DOK6: variants seen among roughly 807,000 people sequenced by gnomAD.
DOK6 encodes docking protein 6, also known as downstream of tyrosine kinase 6.
Under a neutral mutation model 44.0 loss-of-function variants are expected in DOK6, and 22 were observed. That is an observed-to-expected ratio of 0.50 (90% CI 0.36 to 0.71). DOK6 has a LOEUF of 0.71. Among genes scored for constraint, DOK6 ranks in the 30% least tolerant of loss-of-function variants. The probability of loss-of-function intolerance (pLI) is 0.00; values close to 1 mark genes in which losing one functional copy is unlikely to be tolerated. For synonymous variants in DOK6, 166 were observed against 145.5 expected, an observed-to-expected ratio of 1.14 and a Z score of -1.01; for missense variants, 340 against 416.4, an observed-to-expected ratio of 0.82 and a Z score of 1.60.
chr18:69,811,865 C>G (rs925121904), intron 7 of DOK6, among the ~76,000 whole-genome samples: 8 of 151,892 alleles, frequency 5.3e-5, no homozygotes, highest in African/African-American at 1.9e-4. Context: ...TATCCCACTG[C>G]CATTTAAGTT....
chr18:69,617,711 G>GA (rs1226240703), intron 3 of DOK6, among the ~76,000 whole-genome samples: 8 of 86,390 alleles, frequency 9.3e-5, no homozygotes, highest in Admixed American at 4.1e-4. Flanking sequence ...AAAGAGAAAA[G>GA]AAAGAAAGAA....
intron 1 of DOK6, among the ~76,000 whole-genome samples, chr18:69,484,763 G>T (rs1236140878): frequency 1.3e-5 from 2 of 152,078 alleles, no homozygotes; most frequent in Admixed American, 6.6e-5. Flanking sequence ...TTCTCCTTAA[G>T]GTGCACCACA....
intron 1 of DOK6, among the ~76,000 whole-genome samples, chr18:69,504,109 C>T (rs982406141): frequency 1.4e-4 from 21 of 151,874 alleles, no homozygotes; most frequent in African/African-American, 5.1e-4. Flanking sequence ...GTTGTCTAGT[C>T]TGAGAGTTAA....
At chr18:69,461,394 C>G (rs1363666173) in intron 1 of DOK6, among the ~76,000 whole-genome samples, 1 of 152,172 alleles carries the variant, frequency 6.6e-6, no homozygotes, top group South Asian at 2.1e-4. Context: ...ACCTCCCACT[C>G]CACCATGGGA....
intron 2 of DOK6, among the ~76,000 whole-genome samples, chr18:69,574,827 C>A (rs2144605543): frequency 6.6e-6 from 1 of 151,942 alleles, no homozygotes; most frequent in East Asian, 1.9e-4. Context: ...GGTGTCATAG[C>A]CAATGGATAG....
At chr18:69,823,467 A>G (rs1599345063) in intron 7 of DOK6, among the ~76,000 whole-genome samples, 1 of 152,302 alleles carries the variant, frequency 6.6e-6, no homozygotes, top group African/African-American at 2.4e-5. Context: ...AAAGAAGCCC[A>G]TGCCACAGCT....
At chr18:69,701,316 G>A (rs1251794585) in intron 5 of DOK6, among the ~76,000 whole-genome samples, 3 of 152,154 alleles carry the variant, frequency 2.0e-5, no homozygotes, top group East Asian at 3.8e-4. Context: ...ACATCAGCTC[G>A]GAGCAATTGC....
intron 4 of DOK6, among the ~76,000 whole-genome samples, chr18:69,697,298 GC>G (rs933890750): frequency 2.6e-5 from 4 of 152,066 alleles, no homozygotes; most frequent in African/African-American, 9.7e-5. Flanking sequence ...TTTTCCATCT[GC>G]AGCTGCACTA....
At chr18:69,442,234 T>G (rs1285727697) in intron 1 of DOK6, among the ~76,000 whole-genome samples, 4 of 152,198 alleles carry the variant, frequency 2.6e-5, no homozygotes, top group African/African-American at 2.4e-5. Context: ...CTTTTTATTT[T>G]TAAAGATCTT....
chr18:69,492,646 C>T (rs1238172792), intron 1 of DOK6, among the ~76,000 whole-genome samples: 1 of 151,816 alleles, frequency 6.6e-6, no homozygotes, highest in Non-Finnish European at 1.5e-5. Flanking sequence ...ATCTTTAGCT[C>T]CAACTGAGAA....
intron 1 of DOK6, among the ~76,000 whole-genome samples, chr18:69,535,231 A>G (rs1234972363): frequency 6.6e-6 from 1 of 152,092 alleles, no homozygotes; most frequent in African/African-American, 2.4e-5. Context: ...TATTTTCTTC[A>G]TAATAGTCTT....
At chr18:69,821,274 A>C (rs1981560965) in intron 7 of DOK6, among the ~76,000 whole-genome samples, 1 of 152,144 alleles carries the variant, frequency 6.6e-6, no homozygotes, top group East Asian at 1.9e-4. Flanking sequence ...ATGTGGGCCC[A>C]TATTTCTCTG....
chr18:69,825,321 G>A (rs1193086927), intron 7 of DOK6, among the ~76,000 whole-genome samples: 1 of 151,684 alleles, frequency 6.6e-6, no homozygotes, highest in Non-Finnish European at 1.5e-5. Context: ...ATCTTCTACT[G>A]CAGTAGTGAG....
intron 3 of DOK6, chr18:69,660,148 C>T (rs1985486044): frequency 6.6e-6 from 1 of 151,868 alleles, no homozygotes; most frequent in South Asian, 2.1e-4. Context: ...CAAACAGGGC[C>T]CCGACTTTCT....
intron 7 of DOK6, among the ~76,000 whole-genome samples, chr18:69,836,352 G>A (rs1164528858): frequency 6.6e-6 from 1 of 152,126 alleles, no homozygotes; most frequent in East Asian, 1.9e-4. Flanking sequence ...TGTCTCTGTA[G>A]CCAATATATT....
Position 69,677,825 on chromosome 18 carries a change from G to A in DOK6, c.381G>A (p.Leu127=). 6.2e-7 allele frequency: 1 copy of A among 1,613,730 alleles called. No homozygotes were observed. ...NDISLGEPDL[L]AAGVQREQNE... ...TCAGCCTTGGGGAGCCCGACCTTCT[G>A]GCCGCAGGAGTGCAGCGGGAACAGA... The change falls in exon 4 of 8, where the codon CTG becomes CTA. Residue 127 remains leucine (L), a synonymous_variant. Coordinates refer to ENST00000382713, the MANE Select transcript of DOK6 (RefSeq NM_152721.6).
chr18:69,591,274 A>G (rs1256495249), intron 2 of DOK6, among the ~76,000 whole-genome samples: 2 of 152,128 alleles, frequency 1.3e-5, no homozygotes, highest in African/African-American at 4.8e-5. Context: ...TCTGCTGTAT[A>G]CTGATATGGG....
intron 1 of DOK6, among the ~76,000 whole-genome samples, chr18:69,468,223 T>C (rs1237315760): frequency 1.3e-5 from 2 of 152,176 alleles, no homozygotes; most frequent in Non-Finnish European, 2.9e-5. Flanking sequence ...GAGGTTCCTG[T>C]ATTTCAGGAA....
chr18:69,572,314 G>T (rs955020861), intron 2 of DOK6, among the ~76,000 whole-genome samples: 1 of 152,108 alleles, frequency 6.6e-6, no homozygotes, highest in Non-Finnish European at 1.5e-5. Flanking sequence ...TGATCTGTGG[G>T]TTTGGGCTTG....
Sources: gnomAD v4.1 joint callset for allele counts (sites outside exome capture counted in the v4.1 genomes callset) on GRCh38, gnomAD v4.1.1 for gene constraint, MANE v1.5 for transcripts, NCBI Gene and HGNC (gene_info 2026-07-23, HGNC 2026-07-21) for gene names.